Variants in SLC25A21 observed in about 807,000 individuals in gnomAD.
SLC25A21 encodes mitochondrial 2-oxodicarboxylate carrier.
A neutral mutation model predicts 43.8 loss-of-function variants in SLC25A21; 47 were observed. The observed-to-expected ratio is 1.07, with a 90% CI of 0.85 to 1.37. The LOEUF is 1.37. SLC25A21 is among the 40% of genes most tolerant of loss of function. The pLI, the probability that SLC25A21 is intolerant of heterozygous loss-of-function variation, is 0.00. For synonymous variants in SLC25A21, 131 were observed against 121.3 expected (o/e 1.08, Z -0.52); for missense variants, 352 against 350.2 (o/e 1.00, Z -0.04).
intron 1 of SLC25A21, among the ~76,000 whole-genome samples, chr14:37,040,998 T>C (rs1961459620): frequency 6.6e-6 from 1 of 152,106 alleles, no homozygotes; most frequent in African/African-American, 2.4e-5. Context: ...TTTAGATGGA[T>C]GTAACTGTGC....
intron 1 of SLC25A21, among the ~76,000 whole-genome samples, chr14:37,125,865 T>G (rs768367012): frequency 2.6e-5 from 4 of 152,178 alleles, no homozygotes; most frequent in Admixed American, 6.6e-5. Context: ...ACTGAGTAAG[T>G]GTCAAAAGGA....
chr14:36,981,787 T>C (rs1331947237), intron 1 of SLC25A21, among the ~76,000 whole-genome samples: 1 of 152,064 alleles, frequency 6.6e-6, no homozygotes, highest in African/African-American at 2.4e-5. Flanking sequence ...TGTATACATA[T>C]GTAACAAACC....
intron 3 of SLC25A21, among the ~76,000 whole-genome samples, chr14:36,748,849 C>A (rs988171461): frequency 1.3e-5 from 2 of 152,162 alleles, no homozygotes; most frequent in African/African-American, 4.8e-5. Flanking sequence ...AAATGAACTC[C>A]AGATTCTCCC....
chr14:36,874,735 A>C (rs1890469684), intron 2 of SLC25A21, among the ~76,000 whole-genome samples: 1 of 152,238 alleles, frequency 6.6e-6, no homozygotes, highest in Non-Finnish European at 1.5e-5. Context: ...GTTGTCATAT[A>C]AAGGCAGTAA....
intron 3 of SLC25A21, among the ~76,000 whole-genome samples, chr14:36,777,701 G>T (rs538110630): frequency 6.6e-6 from 1 of 152,268 alleles, no homozygotes; most frequent in African/African-American, 2.4e-5. Flanking sequence ...AAAAAGTCCA[G>T]AAGGAACCAA....
chr14:36,829,231 T>C (rs906169831), intron 2 of SLC25A21, among the ~76,000 whole-genome samples: 2 of 152,092 alleles, frequency 1.3e-5, no homozygotes, highest in Non-Finnish European at 2.9e-5. Context: ...TTCCTTCCCC[T>C]GAGAGGTGAT....
chr14:36,715,898 CTGGCCAA>C (rs1884110263), intron 6 of SLC25A21, among the ~76,000 whole-genome samples: 2 of 151,976 alleles, frequency 1.3e-5, no homozygotes, highest in Non-Finnish European at 2.9e-5. Context: ...GCGAGACCAG[CTGGCCAA>C]TGTGGTGAAA....
chr14:36,989,389 T>C (rs1960214879), intron 1 of SLC25A21, among the ~76,000 whole-genome samples: 1 of 152,164 alleles, frequency 6.6e-6, no homozygotes, highest in Admixed American at 6.5e-5. Flanking sequence ...CTCTCCTTAA[T>C]ACTGTTTCTT....
intron 1 of SLC25A21, among the ~76,000 whole-genome samples, chr14:37,046,867 C>T (rs1029714039): frequency 6.6e-6 from 1 of 152,128 alleles, no homozygotes; most frequent in Non-Finnish European, 1.5e-5. Flanking sequence ...AAATGTTGAA[C>T]TGTTTCTACC....
chr14:37,075,709 C>T (rs1003769618), intron 1 of SLC25A21, among the ~76,000 whole-genome samples: 1 of 151,950 alleles, frequency 6.6e-6, no homozygotes, highest in Admixed American at 6.6e-5. Flanking sequence ...ACATGGTGGT[C>T]GAATATACAT....
chr14:36,723,517 A>G (rs1217368204), intron 6 of SLC25A21, among the ~76,000 whole-genome samples: 1 of 152,200 alleles, frequency 6.6e-6, no homozygotes, highest in Non-Finnish European at 1.5e-5. Flanking sequence ...ACCCCGAACA[A>G]GCTCCCACTA....
chr14:36,718,643 TATC>T (rs1343216153), intron 6 of SLC25A21, among the ~76,000 whole-genome samples: 2 of 152,224 alleles, frequency 1.3e-5, no homozygotes, highest in Non-Finnish European at 2.9e-5. Flanking sequence ...AGCTTTGTGA[TATC>T]ATACACGATC....
At chr14:36,808,749 A>C (rs1339977088) in intron 3 of SLC25A21, 2 of 150,640 alleles carry the variant, frequency 1.3e-5, no homozygotes, top group Non-Finnish European at 3.0e-5. Flanking sequence ...AAATTTATGC[A>C]AAAAAATTCT....
chr14:37,164,802 A>G (rs1964004465), intron 1 of SLC25A21, among the ~76,000 whole-genome samples: 1 of 152,190 alleles, frequency 6.6e-6, no homozygotes, highest in Non-Finnish European at 1.5e-5. Context: ...AAAATATCAC[A>G]GCATTTGCAT....
chr14:36,887,365 C>T (rs752014558), intron 1 of SLC25A21, among the ~76,000 whole-genome samples: 6 of 151,936 alleles, frequency 3.9e-5, no homozygotes, highest in Non-Finnish European at 8.8e-5. Flanking sequence ...GAGTTTGAGA[C>T]AACCCTGGCC....
rs979250019 is a variant in SLC25A21, at chr14:37,109,282, G to A, written c.70+62999C>T. Among the ~76,000 whole-genome samples, 21 of 151,944 alleles carry A rather than the reference G, an allele frequency of 1.4e-4. 1 individual carries two copies. The highest frequency in any genetic ancestry group is 3.1e-4 in the Non-Finnish European group (21 of 68,016). ...ATTCTACCTTGCTTTGGAAAGTTGCGTGAAGGGATCATCATAACAACTAAC... is the reference window on the plus strand; with the variant it reads ...ATTCTACCTTGCTTTGGAAAGTTGCATGAAGGGATCATCATAACAACTAAC... On this transcript the variant is annotated intron_variant, in intron 1 of 9. Transcript: ENST00000331299.
At position 36,741,977 on chromosome 14, in the gene SLC25A21, T is replaced by C. The variant is rs529393397; in HGVS notation, c.204-7404A>G. On this transcript the variant is annotated intron_variant, in intron 3 of 9. Coordinates refer to ENST00000331299, the MANE Select transcript of SLC25A21 (RefSeq NM_030631.4). The stretch of plus-strand genomic sequence containing the variant: ...CTGGGCAATGATTCAAGCTCATCTT[T>C]GGTACAGTTGATTTTGAAGCCTTAC... 4.6e-5 allele frequency among the ~76,000 whole-genome samples: 7 copies of C among 152,334 alleles called. No individual in the cohort carries two copies. In the South Asian group the frequency reaches 1.4e-3, roughly 32 times the overall value.
chr14:37,049,441 G>A (rs941781754), intron 1 of SLC25A21, among the ~76,000 whole-genome samples: 3 of 152,062 alleles, frequency 2.0e-5, no homozygotes, highest in African/African-American at 4.8e-5. Flanking sequence ...GCATGGTGGT[G>A]TGTGCCTACA....
At chr14:37,106,040 T>C (rs1003635107) in intron 1 of SLC25A21, among the ~76,000 whole-genome samples, 4 of 152,190 alleles carry the variant, frequency 2.6e-5, no homozygotes, top group African/African-American at 9.7e-5. Flanking sequence ...TTTACTTTAC[T>C]CTCTTAATCC....
Sources: allele counts gnomAD v4.1 joint callset (sites outside exome capture counted in the v4.1 genomes callset), GRCh38; gene constraint gnomAD v4.1.1; transcripts MANE v1.5; gene names NCBI Gene and HGNC (gene_info 2026-07-23, HGNC 2026-07-21).